TMEM132E: variants seen among roughly 807,000 people sequenced by gnomAD.
TMEM132E encodes transmembrane protein 132E.
A neutral mutation model predicts 78.5 loss-of-function variants in TMEM132E; 49 were observed. That is an observed-to-expected ratio of 0.62 (90% confidence interval 0.50 to 0.79). The LOEUF (loss-of-function observed/expected upper bound fraction) is 0.79. TMEM132E is among the 30% of genes least tolerant of loss of function. The probability of loss-of-function intolerance (pLI) is 0.00; values close to 1 mark genes in which losing one functional copy is unlikely to be tolerated. For synonymous variants in TMEM132E, 715 were observed against 670.6 expected, an observed-to-expected ratio of 1.07 and a Z score of -1.02; for missense variants, 1,403 against 1,470.9, an observed-to-expected ratio of 0.95 and a Z score of 0.75.
chr17:34,595,572 T>C (rs184715306), intron 1 of TMEM132E, among the ~76,000 whole-genome samples: 16 of 152,264 alleles, frequency 1.1e-4, no homozygotes, highest in African/African-American at 3.9e-4. Flanking sequence ...ATCCTTAAAG[T>C]CAAAGAAACA....
At position 34,638,159 on chromosome 17, in the gene TMEM132E, T is replaced by A. The variant is rs1388980106; in HGVS notation, c.3152T>A (p.Val1051Glu). The part of the protein sequence containing the change: ...EEDLGWGCPD[V>E]AGPTRPTAPP... ...GACCTGGGTTGGGGCTGCCCGGATG[T>A]GGCGGGCCCCACGCGGCCCACTGCA... The change falls in exon 9 of 9, where the codon GTG (valine) becomes GAG (glutamate). Residue 1051 changes from valine (V) to glutamate (E), a missense_variant. Val to Glu is a moderately radical substitution (Grantham distance 121). This residue lies in a region of TMEM132E where 888 missense variants were observed against 952.8 expected (regional missense o/e 0.93). Transcript: ENST00000631683. 6.2e-7 allele frequency: 1 copy of A among 1,608,222 alleles called. No individual in the cohort carries two copies. Among genetic ancestry groups the A allele is most frequent in the Admixed American group, 1.7e-5 (1 of 59,406 alleles).
chr17:34,615,503 G>A (rs1039388712), intron 1 of TMEM132E, among the ~76,000 whole-genome samples: 1 of 141,714 alleles, frequency 7.1e-6, no homozygotes, highest in Non-Finnish European at 1.5e-5. Context: ...CCTGCAAGGG[G>A]AAGACTGGCA....
At chr17:34,631,533 C>T (rs1046385042) in intron 5 of TMEM132E, among the ~76,000 whole-genome samples, 2 of 152,318 alleles carry the variant, frequency 1.3e-5, no homozygotes, top group Non-Finnish European at 1.5e-5. Context: ...CAGGTCTTTA[C>T]GGAGTTTGCC....
At chr17:34,592,391 T>C (rs897620709) in intron 1 of TMEM132E, among the ~76,000 whole-genome samples, 1 of 152,146 alleles carries the variant, frequency 6.6e-6, no homozygotes, top group African/African-American at 2.4e-5. Flanking sequence ...CTCCCCATGG[T>C]GGGTATAAAG....
At chr17:34,633,313 T>G (rs571494141) in intron 6 of TMEM132E, among the ~76,000 whole-genome samples, 1 of 152,082 alleles carries the variant, frequency 6.6e-6, no homozygotes, top group South Asian at 2.1e-4. Context: ...CTGAAAGGAG[T>G]TGGCTGGGGA....
At chr17:34,623,569 G>T (rs143274289) in intron 1 of TMEM132E, among the ~76,000 whole-genome samples, 1 of 152,362 alleles carries the variant, frequency 6.6e-6, no homozygotes, top group East Asian at 1.9e-4. Flanking sequence ...CCTGCCCTGG[G>T]CTGCTCTGCA....
chr17:34,629,920 G>GGC (rs1907295725), intron 4 of TMEM132E, 88 bp from the exon 5 acceptor site: 1 of 1,420,532 alleles, frequency 7.0e-7, no homozygotes, highest in South Asian at 1.4e-5. Context: ...GGAGTGGGGG[G>GGC]GGAGCGTCCA....
chr17:34,612,664 AC>A (rs754936230), intron 1 of TMEM132E, among the ~76,000 whole-genome samples: 19 of 152,172 alleles, frequency 1.2e-4, no homozygotes, highest in Admixed American at 3.9e-4. Context: ...AGGAAGTCCC[AC>A]CTTCATGACC....
At position 34,580,692 on chromosome 17, in the gene TMEM132E, A is replaced by T. The variant is rs372521020; in HGVS notation, c.-385A>T. ...CGTTGGAAGTCGGCACCCTCGAGTG[A>T]GTTCGGATTCGAGCTGGGCCGTGAG... On this transcript the variant is annotated 5_prime_UTR_variant, in exon 1 of 9. An upstream open reading frame in the 5' UTR loses its in-frame stop. Transcript: ENST00000631683. 61 of 202,328 alleles carry T rather than the reference A, an allele frequency of 3.0e-4. No individual in the cohort carries two copies. Among genetic ancestry groups the T allele is most frequent in the African/African-American group, 1.4e-3 (60 of 43,538 alleles). The allele number at this position is 202,328 out of a possible 1,614,324, so 12.5% of individuals were successfully genotyped here.
At chr17:34,637,140 C>A (rs745461813) in intron 8 of TMEM132E, 37 bp from the exon 9 acceptor site, 11 of 1,553,878 alleles carry the variant, frequency 7.1e-6, no homozygotes, top group South Asian at 2.4e-5. Context: ...TGAACCAGCT[C>A]TTTGACTCCT....
chr17:34,623,922 C>T (rs2142077133), intron 1 of TMEM132E, among the ~76,000 whole-genome samples: 1 of 152,338 alleles, frequency 6.6e-6, no homozygotes, highest in South Asian at 2.1e-4. Flanking sequence ...TTCCTGTCCT[C>T]ACTTGGACTC....
At chr17:34,634,653 A>G in intron 6 of TMEM132E, 146 bp from the exon 7 acceptor site, 1 of 935,406 alleles carries the variant, frequency 1.1e-6, no homozygotes, top group East Asian at 2.7e-5. Flanking sequence ...CAACTTAGAG[A>G]TGGAAGGCAT....
At chr17:34,637,045 C>T (rs1907544554) in intron 8 of TMEM132E, 132 bp from the exon 9 acceptor site, 1 of 770,314 alleles carries the variant, frequency 1.3e-6, no homozygotes, top group African/African-American at 1.7e-5. Context: ...GTCACAGGCA[C>T]AGTTCCAGTG....
Position 34,637,475 on chromosome 17 carries a change from A to G in TMEM132E, c.2468A>G (p.Asp823Gly). ...AGGGACGAGGAGGACCCCACTTATG[A>G]CTACCCGGGCCCCAGCCAACCAGGG... is the stretch of plus-strand genomic sequence containing the variant. ...FGRDEEDPTY[D>G]YPGPSQPGPG... Residue 823 changes from aspartate (D) to glycine (G), a missense_variant, in exon 9 of 9, where the codon GAC (aspartate) becomes GGC (glycine). Around this residue, in one of 3 missense-constraint regions of TMEM132E, gnomAD observed 888 missense variants for 952.8 expected, o/e 0.93. Transcript: ENST00000631683. 2.5e-6 allele frequency: 4 copies of G among 1,611,756 alleles called. No homozygotes were observed. The highest frequency in any genetic ancestry group is 3.3e-4 in the Middle Eastern group (2 of 6,006).
intron 1 of TMEM132E, among the ~76,000 whole-genome samples, chr17:34,581,975 G>C (rs1158203107): frequency 6.6e-6 from 1 of 152,038 alleles, no homozygotes; most frequent in African/African-American, 2.4e-5. Context: ...AGACCAGAGG[G>C]AAGGAGGCTG....
chr17:34,636,117 C>T lies in TMEM132E; in HGVS notation c.2088C>T (p.Leu696=). 1 of 1,594,398 alleles carries T rather than the reference C, an allele frequency of 6.3e-7. No individual in the cohort carries two copies. The highest frequency in any genetic ancestry group is 1.4e-5 in the African/African-American group (1 of 73,860). The stretch of plus-strand genomic sequence containing the variant: ...CCCAGGTGGTGGCCAGCCTGGCCCT[C>T]TCCCTGCGGCCCAGCCCTGGGAGCA... ...LQAQVVASLA[L]SLRPSPGSSH... Residue 696 remains leucine, a synonymous_variant, in exon 8 of 9, where the codon CTC becomes CTT. Coordinates refer to ENST00000631683, the MANE Select transcript of TMEM132E (RefSeq NM_001304438.2).
intron 1 of TMEM132E, among the ~76,000 whole-genome samples, chr17:34,598,070 T>C (rs1211164939): frequency 6.6e-6 from 1 of 152,210 alleles, no homozygotes; most frequent in African/African-American, 2.4e-5. Flanking sequence ...ACATTACATA[T>C]AATACATGTA....
At chr17:34,581,767 G>A (rs901560583) in intron 1 of TMEM132E, among the ~76,000 whole-genome samples, 40 of 151,712 alleles carry the variant, frequency 2.6e-4, no homozygotes, top group African/African-American at 9.4e-4. Context: ...GGTGGGCCGC[G>A]GGCCGCGCGC....
At position 34,626,325 on chromosome 17, in the gene TMEM132E, T is replaced by A. The variant is rs1907122904; in HGVS notation, c.266T>A (p.Val89Asp). The change falls in exon 2 of 9, where the codon GTC (valine) becomes GAC (aspartate). Residue 89 changes from valine to aspartate, a missense_variant. By Grantham distance (152) the Val-to-Asp change is radical. Transcript: ENST00000631683. ...GTGTTCCAGACCAAGGAGCTGCCGGTCCTCAACGTCTCTCTGGGGCCCTTC... is the reference window on the plus strand; with the variant it reads ...GTGTTCCAGACCAAGGAGCTGCCGGACCTCAACGTCTCTCTGGGGCCCTTC... ...FVVFQTKELP[V>D]LNVSLGPFST... is the part of the protein sequence containing the mutation. 1.2e-6 allele frequency: 2 copies of A among 1,612,504 alleles called. No homozygotes were observed. Among genetic ancestry groups the A allele is most frequent in the Non-Finnish European group, 1.7e-6 (2 of 1,179,492 alleles).
Sources: gnomAD v4.1 joint callset for allele counts (sites outside exome capture counted in the v4.1 genomes callset) on GRCh38, gnomAD v4.1.1 for gene constraint, gnomAD v4.1.1 regional missense constraint, MANE v1.5 for transcripts, NCBI Gene and HGNC (gene_info 2026-07-23, HGNC 2026-07-21) for gene names.